The following CHEK2 variants were observed in gnomAD, a reference collection of about 807,000 sequenced individuals.
CHEK2 encodes serine/threonine-protein kinase Chk2.
A neutral mutation model predicts 69.1 loss-of-function variants in CHEK2; 71 were observed. That is an observed-to-expected ratio of 1.03 (90% confidence interval 0.85 to 1.25). The LOEUF is 1.25. CHEK2 is among the 50% of genes most tolerant of loss of function. The pLI, the probability that CHEK2 is intolerant of heterozygous loss-of-function variation, is 0.00. For synonymous variants in CHEK2, 189 were observed against 226.9 expected, an observed-to-expected ratio of 0.83 and a Z score of 1.50; for missense variants, 664 against 649.6, an observed-to-expected ratio of 1.02 and a Z score of -0.24.
rs2054104707 is a variant in CHEK2 at position 28,729,065 on chromosome 22, G to A, written c.320-3698C>T. On this transcript the variant is annotated intron_variant, in intron 2 of 14. Transcript: ENST00000404276. The stretch of plus-strand genomic sequence containing the variant: ...AATACCAATTATTCTCAAACTTTTC[G>A]AAGAAATTCGGAACGGAACACTGTC... 3.3e-5 allele frequency among the ~76,000 whole-genome samples: 5 copies of A among 152,042 alleles called. No homozygotes were observed. In the South Asian group the frequency reaches 8.3e-4, roughly 25 times the overall value.
At chr22:28,697,440 A>G (rs992542286) in intron 9 of CHEK2, among the ~76,000 whole-genome samples, 2 of 152,222 alleles carry the variant, frequency 1.3e-5, no homozygotes, top group Admixed American at 1.3e-4. Context: ...ATACAAATAT[A>G]TATCTGTTTA....
intron 2 of CHEK2, among the ~76,000 whole-genome samples, chr22:28,730,091 C>A (rs1360118855): frequency 1.3e-5 from 2 of 150,490 alleles, no homozygotes; most frequent in Non-Finnish European, 2.9e-5. Context: ...GATCCGCCCA[C>A]CTCAGCCTCC....
intron 9 of CHEK2, among the ~76,000 whole-genome samples, chr22:28,698,701 A>G (rs1281066602): frequency 6.6e-6 from 1 of 152,214 alleles, no homozygotes; most frequent in African/African-American, 2.4e-5. Context: ...TGTTCCTCAA[A>G]GCAAGTGCCA....
intron 5 of CHEK2, among the ~76,000 whole-genome samples, chr22:28,714,626 A>T (rs750335957): frequency 1.3e-5 from 2 of 152,156 alleles, no homozygotes; most frequent in African/African-American, 4.8e-5. Context: ...GAGGCACAAA[A>T]GTTTTTAATT....
At chr22:28,735,887 A>C (rs1412268884) in intron 1 of CHEK2, among the ~76,000 whole-genome samples, 1 of 150,776 alleles carries the variant, frequency 6.6e-6, no homozygotes, top group African/African-American at 2.4e-5. Context: ...TGTCTCAAAA[A>C]AATTAATTAA....
intron 2 of CHEK2, among the ~76,000 whole-genome samples, chr22:28,726,877 C>T (rs569315607): frequency 2.7e-5 from 4 of 149,700 alleles, no homozygotes; most frequent in Middle Eastern, 3.4e-3. Context: ...ACACCCAGCA[C>T]CACTGGCCTC....
chr22:28,712,375 A>G (rs1041420602), intron 5 of CHEK2: 4 of 304,694 alleles, frequency 1.3e-5, no homozygotes, highest in Admixed American at 9.3e-5. Context: ...CTGGTCAAAA[A>G]TAAGTGCCCA....
chr22:28,692,811 T>C (rs1290838321), intron 13 of CHEK2, among the ~76,000 whole-genome samples: 2 of 152,230 alleles, frequency 1.3e-5, no homozygotes, highest in Non-Finnish European at 2.9e-5. Context: ...TGAGAGGTGA[T>C]TGGCTCATGG....
At chr22:28,730,725 G>A (rs1330793434) in intron 2 of CHEK2, among the ~76,000 whole-genome samples, 1 of 151,622 alleles carries the variant, frequency 6.6e-6, no homozygotes, top group African/African-American at 2.4e-5. Flanking sequence ...AGGCATGGTG[G>A]CATAAGCATG....
chr22:28,718,738 C>T (rs2053665311), intron 5 of CHEK2, among the ~76,000 whole-genome samples: 1 of 151,398 alleles, frequency 6.6e-6, no homozygotes, highest in Admixed American at 6.6e-5. Context: ...AAAAATTAGC[C>T]AGGCACGGTG....
At chr22:28,725,596 C>A (rs986850376) in intron 2 of CHEK2, among the ~76,000 whole-genome samples, 1 of 152,202 alleles carries the variant, frequency 6.6e-6, no homozygotes. Context: ...CACAGTGGCT[C>A]ACACCTGTAA....
At chr22:28,740,144 T>C (rs2146191932) in intron 1 of CHEK2, among the ~76,000 whole-genome samples, 1 of 152,294 alleles carries the variant, frequency 6.6e-6, no homozygotes, top group Admixed American at 6.5e-5. Flanking sequence ...GAGGTTGCAG[T>C]GAGCCGAGAT....
At position 28,693,920 on chromosome 22, in the gene CHEK2, A is replaced by G. The variant is rs1017461039; in HGVS notation, c.1461+112T>C. Reference sequence around the variant, plus strand: ...AAGATACCCCCCATACATCTAAAACAATTAGATTAAACACTCAACAAAGTA... The same window carrying G: ...AAGATACCCCCCATACATCTAAAACGATTAGATTAAACACTCAACAAAGTA... On this transcript the variant is annotated intron_variant, in intron 13 of 14. Transcript: ENST00000404276. 7.7e-6 allele frequency: 6 copies of G among 782,224 alleles called. No individual in the cohort carries two copies. In the African/African-American group the frequency reaches 1.0e-4, roughly 13 times the overall value. 48.5% of individuals were successfully genotyped at this position (782,224 alleles called of 1,614,324 possible). A position where few individuals can be genotyped will look rare whatever the true frequency, so the allele number is the denominator to read the frequency against.
intron 2 of CHEK2, among the ~76,000 whole-genome samples, chr22:28,729,723 G>A (rs780644421): frequency 6.6e-6 from 1 of 152,086 alleles, no homozygotes; most frequent in Non-Finnish European, 1.5e-5. Context: ...AGGAATAGGA[G>A]TAAACTCCTT....
At position 28,699,837 on chromosome 22, in the gene CHEK2, C is replaced by T. The variant is rs1555915298; in HGVS notation, c.1008+1G>A. ...TCAAAAGAATTGAGGGCTTCTTTTACCTGCACAGCCAAGAGCATCTGGTAA... is the reference window on the plus strand; with the variant it reads ...TCAAAAGAATTGAGGGCTTCTTTTATCTGCACAGCCAAGAGCATCTGGTAA... On this transcript the variant is annotated splice_donor_variant, in intron 9 of 14. Transcript: ENST00000404276. LOFTEE classifies it high-confidence loss of function. 1 of 1,608,774 alleles carries T rather than the reference C, an allele frequency of 6.2e-7. No homozygotes were observed. The highest frequency in any genetic ancestry group is 8.5e-7 in the Non-Finnish European group (1 of 1,175,150).
chr22:28,697,700 G>A (rs922784509), intron 9 of CHEK2, among the ~76,000 whole-genome samples: 1 of 151,880 alleles, frequency 6.6e-6, no homozygotes, highest in Non-Finnish European at 1.5e-5. Context: ...CTCATGAGTA[G>A]CTAGGACCAT....
At position 28,698,774 on chromosome 22, in the gene CHEK2, C is replaced by T. The variant is rs116685094; in HGVS notation, c.1008+1064G>A. ...TGGCTATGTGCATTCCCTGCCGGCCCGCCCACTGCAGCGAACAGGATGCTG... is the reference window on the plus strand; with the variant it reads ...TGGCTATGTGCATTCCCTGCCGGCCTGCCCACTGCAGCGAACAGGATGCTG... On this transcript the variant is annotated intron_variant, in intron 9 of 14. Coordinates refer to ENST00000404276, the MANE Select transcript of CHEK2 (RefSeq NM_007194.4). Among the ~76,000 whole-genome samples, 456 of 152,254 alleles carry T rather than the reference C, an allele frequency of 3.0e-3. 5 individuals carry two copies. Among genetic ancestry groups the T allele is most frequent in the African/African-American group, 0.01 (420 of 41,542 alleles).
intron 2 of CHEK2, among the ~76,000 whole-genome samples, chr22:28,733,833 C>T (rs1292503790): frequency 6.6e-6 from 1 of 151,128 alleles, no homozygotes; most frequent in Non-Finnish European, 1.5e-5. Flanking sequence ...ACAGGAGAAT[C>T]GCTTGAACCC....
In CHEK2 at chr22:28,726,535, T is replaced by G. The variant is rs1003148395; in HGVS notation, c.320-1168A>C. Among the ~76,000 whole-genome samples, 7 of 145,704 alleles carry G rather than the reference T, an allele frequency of 4.8e-5. No individual in the cohort carries two copies. In the Admixed American group the frequency reaches 5.0e-4, roughly 10 times the overall value. On this transcript the variant is annotated intron_variant, in intron 2 of 14. Coordinates refer to ENST00000404276, the MANE Select transcript of CHEK2 (RefSeq NM_007194.4). ...ACACAATATAACATATATTATATAT[T>G]TATAATATAGTAATTATATCTAAAT...
Sources: gnomAD v4.1 joint callset for allele counts (sites outside exome capture counted in the v4.1 genomes callset) on GRCh38, gnomAD v4.1.1 for gene constraint, MANE v1.5 for transcripts, NCBI Gene and HGNC (gene_info 2026-07-23, HGNC 2026-07-21) for gene names.